The following CDH9 variants were observed in gnomAD, a reference collection of about 807,000 sequenced individuals.
CDH9 encodes cadherin-9.
In CDH9, 28 loss-of-function variants were observed where a neutral mutation model predicts 70.9. The ratio of observed to expected loss-of-function variants is 0.40; its 90% CI spans 0.29 to 0.54. The LOEUF is 0.54. Ranked by LOEUF, CDH9 falls within the 20% of genes least tolerant of loss-of-function variation. The pLI is 0.59. For synonymous variants in CDH9, 409 were observed against 343.1 expected (o/e 1.19, Z -2.12); for missense variants, 874 against 984.4 (o/e 0.89, Z 1.50).
At chr5:27,029,813 A>G (rs1269143727) in intron 1 of CDH9, among the ~76,000 whole-genome samples, 1 of 152,008 alleles carries the variant, frequency 6.6e-6, no homozygotes, top group Non-Finnish European at 1.5e-5. Flanking sequence ...ATCACACTAC[A>G]GTGGTGGTGT....
intron 2 of CDH9, among the ~76,000 whole-genome samples, chr5:26,944,624 G>A (rs1388992190): frequency 3.3e-5 from 5 of 152,120 alleles, no homozygotes; most frequent in African/African-American, 1.2e-4. Flanking sequence ...CTGCACTCCA[G>A]CCTGACAGAG....
intron 2 of CDH9, among the ~76,000 whole-genome samples, chr5:26,984,844 A>G (rs1742463193): frequency 6.6e-6 from 1 of 152,138 alleles, no homozygotes; most frequent in South Asian, 2.1e-4. Context: ...AGAATGACCA[A>G]CCAAATTTCA....
intron 2 of CDH9, among the ~76,000 whole-genome samples, chr5:26,958,858 C>A (rs960169540): frequency 1.3e-5 from 2 of 152,012 alleles, no homozygotes; most frequent in South Asian, 4.1e-4. Context: ...CAATAATTAA[C>A]TCAAAATAGA....
chr5:26,890,291 TTGA>T, intron 8 of CDH9, 134 bp downstream of exon 8: 1 of 699,780 alleles, frequency 1.4e-6, no homozygotes, highest in East Asian at 2.6e-5. Flanking sequence ...TAAAAATGTG[TTGA>T]TATTCTAAGC....
chr5:26,960,845 T>C (rs1180662141), intron 2 of CDH9, among the ~76,000 whole-genome samples: 1 of 152,108 alleles, frequency 6.6e-6, no homozygotes, highest in Non-Finnish European at 1.5e-5. Context: ...TTTATTTTCA[T>C]ATGCATGTGT....
chr5:27,004,643 A>C (rs1016127806), intron 1 of CDH9, among the ~76,000 whole-genome samples: 5 of 152,150 alleles, frequency 3.3e-5, no homozygotes, highest in African/African-American at 1.2e-4. Context: ...CTTTGCCTTG[A>C]ACAACAGATT....
rs552260982 is a variant in CDH9 at position 26,984,796 on chromosome 5, A to G, written c.228+3310T>C. Among the ~76,000 whole-genome samples the G allele has an allele frequency of 3.3e-5, 5 of 152,270 alleles. No homozygotes were observed. In the East Asian group the frequency reaches 9.6e-4, roughly 29 times the overall value. On this transcript the variant is annotated intron_variant, in intron 2 of 11. Coordinates refer to ENST00000231021, the MANE Select transcript of CDH9 (RefSeq NM_016279.4). ...AACAGTACAACATTTCGCTTATTAC[A>G]TAAAACAATATTTGTAAATCTCTGA...
chr5:26,886,910 C>A (rs962804102), intron 9 of CDH9, among the ~76,000 whole-genome samples: 3 of 152,102 alleles, frequency 2.0e-5, no homozygotes, highest in Non-Finnish European at 1.5e-5. Context: ...GAAATCACAG[C>A]CATTTAATTA....
At chr5:26,963,384 A>C (rs1039668064) in intron 2 of CDH9, among the ~76,000 whole-genome samples, 14 of 152,184 alleles carry the variant, frequency 9.2e-5, no homozygotes, top group African/African-American at 3.4e-4. Flanking sequence ...GACTCTCAAA[A>C]TGTATATAGA....
chr5:27,021,233 G>A (rs1743133058), intron 1 of CDH9, among the ~76,000 whole-genome samples: 1 of 151,768 alleles, frequency 6.6e-6, no homozygotes, highest in Admixed American at 6.6e-5. Context: ...GTTTGGAGCA[G>A]TTTTACACAT....
intron 2 of CDH9, among the ~76,000 whole-genome samples, chr5:26,935,187 A>T (rs958367641): frequency 6.6e-6 from 1 of 152,192 alleles, no homozygotes; most frequent in Non-Finnish European, 1.5e-5. Flanking sequence ...AAAGATATTC[A>T]TGATAAAAAG....
chr5:26,987,548 C>T (rs1017457780), intron 2 of CDH9, among the ~76,000 whole-genome samples: 32 of 152,090 alleles, frequency 2.1e-4, no homozygotes, highest in Non-Finnish European at 3.1e-4. Flanking sequence ...TACATATTCT[C>T]TATTATTGTC....
intron 2 of CDH9, among the ~76,000 whole-genome samples, chr5:26,987,719 C>G (rs944575547): frequency 1.3e-5 from 2 of 152,000 alleles, no homozygotes; most frequent in African/African-American, 4.8e-5. Flanking sequence ...CTCACCCTAG[C>G]AGATATTAAG....
intron 2 of CDH9, among the ~76,000 whole-genome samples, chr5:26,986,172 G>A (rs567139540): frequency 6.6e-6 from 1 of 152,092 alleles, no homozygotes; most frequent in Non-Finnish European, 1.5e-5. Context: ...AGAAATAGTT[G>A]ACAGGTGGTT....
At chr5:26,903,326 G>C in intron 6 of CDH9, 1 of 419,616 alleles carries the variant, frequency 2.4e-6, no homozygotes, top group African/African-American at 2.1e-5. Context: ...ATTTTGAAAA[G>C]TGCATGAAAT....
chr5:27,033,206 TTATAA>T (rs541213834), intron 1 of CDH9, among the ~76,000 whole-genome samples: 124 of 151,490 alleles, frequency 8.2e-4, no homozygotes, highest in African/African-American at 2.6e-3. Context: ...TATCATTTGT[TTATAA>T]TATAATATCT....
intron 2 of CDH9, among the ~76,000 whole-genome samples, chr5:26,941,023 A>T (rs906883408): frequency 6.6e-6 from 1 of 152,232 alleles, no homozygotes; most frequent in African/African-American, 2.4e-5. Context: ...TTTAATAAAT[A>T]ATCACTGAAT....
chr5:26,908,497 A>G (rs574068433), intron 3 of CDH9, among the ~76,000 whole-genome samples: 18 of 152,254 alleles, frequency 1.2e-4, no homozygotes, highest in African/African-American at 4.1e-4. Flanking sequence ...CAATTTTAGG[A>G]CATTTCTTGA....
chr5:27,021,958 C>T (rs1341229930), intron 1 of CDH9, among the ~76,000 whole-genome samples: 1 of 151,942 alleles, frequency 6.6e-6, no homozygotes, highest in African/African-American at 2.4e-5. Context: ...GTTTAATTCA[C>T]TATCGGATAC....
Sources: gnomAD v4.1 joint callset for allele counts (sites outside exome capture counted in the v4.1 genomes callset) on GRCh38, gnomAD v4.1.1 for gene constraint, MANE v1.5 for transcripts, NCBI Gene and HGNC (gene_info 2026-07-23, HGNC 2026-07-21) for gene names.